The following ARPC4 variants were observed in gnomAD, a reference collection of about 807,000 sequenced individuals.
The protein encoded by ARPC4 is actin-related protein 2/3 complex subunit 4.
Under a neutral mutation model 22.8 loss-of-function variants are expected in ARPC4, and 3 were observed. The observed-to-expected ratio is 0.13, with a 90% CI of 0.06 to 0.34. The LOEUF is 0.34. ARPC4 is among the 10% of genes least tolerant of loss of function. The pLI is 1.00. For synonymous variants in ARPC4, 80 were observed against 72.5 expected (o/e 1.10, Z -0.52); for missense variants, 98 against 211.0 (o/e 0.46, Z 3.32).
intron 4 of ARPC4, chr3:9,803,597 C>T (rs2079056574): frequency 3.1e-6 from 2 of 647,932 alleles, no homozygotes; most frequent in Admixed American, 4.1e-5. Flanking sequence ...TGTTGTGCCA[C>T]AGATAGTTTT....
chr3:9,794,503 A>C (rs1025520561), intron 1 of ARPC4, among the ~76,000 whole-genome samples: 5 of 152,150 alleles, frequency 3.3e-5, no homozygotes, highest in African/African-American at 1.2e-4. Flanking sequence ...CGTCTCAAAA[A>C]AAAAAGCGTT....
rs77589628 is a variant in ARPC4, at chr3:9,806,365, G to T, written c.*150G>T. On this transcript the variant is annotated 3_prime_UTR_variant, in exon 6 of 6. Transcript: ENST00000397261. ...CGGGAGGTGGGTGGTGTGCTTGCTA[G>T]CTGGGCAAGAAAGCAGCAGTGGACC... 1.1e-6 allele frequency: 1 copy of T among 915,250 alleles called. No homozygotes were observed. The highest frequency in any genetic ancestry group is 1.8e-5 in the Admixed American group (1 of 54,960). 56.7% of individuals were successfully genotyped at this position (915,250 alleles called of 1,614,324 possible).
upstream of ARPC4, chr3:9,792,997 C>G: frequency 6.8e-7 from 1 of 1,478,294 alleles, no homozygotes; most frequent in South Asian, 1.3e-5. Flanking sequence ...CTACCCCGCT[C>G]GGAGCATAGA....
At chr3:9,805,506 C>T (rs564881166) in intron 5 of ARPC4, among the ~76,000 whole-genome samples, 50 of 152,348 alleles carry the variant, frequency 3.3e-4, no homozygotes, top group Non-Finnish European at 6.5e-4. Context: ...TGAGGAGCTG[C>T]TGAGCGCATG....
chr3:9,802,301 A>G (rs142633580), intron 4 of ARPC4, among the ~76,000 whole-genome samples: 1,775 of 151,092 alleles, frequency 0.012, 9 homozygotes, highest in Middle Eastern at 0.024. Context: ...CCCGGAGCCT[A>G]TAGTCTAGCA....
In ARPC4 at chr3:9,806,521, T is replaced by C. The variant is rs2125653724; in HGVS notation, c.*306T>C. On this transcript the variant is annotated 3_prime_UTR_variant, in exon 6 of 6. Coordinates refer to ENST00000397261, the MANE Select transcript of ARPC4 (RefSeq NM_005718.5). ...GGATACTGTAACCTTTTTGTCTTTT[T>C]TTTTTTTTTTTTTTTTAAACCTCCA... 5.3e-6 allele frequency: 2 copies of C among 375,670 alleles called. No homozygotes were observed. Among genetic ancestry groups the C allele is most frequent in the East Asian group, 9.7e-5 (2 of 20,724 alleles). 23.3% of individuals were successfully genotyped at this position (375,670 alleles called of 1,614,324 possible). A position where few individuals can be genotyped will look rare whatever the true frequency, so the allele number is the denominator to read the frequency against.
chr3:9,792,660 A>T (rs1296455337), upstream of ARPC4: 1 of 1,232,114 alleles, frequency 8.1e-7, no homozygotes, highest in Non-Finnish European at 1.0e-6. Flanking sequence ...TTGGCGGCCG[A>T]GATCTCCGCG....
At chr3:9,792,881 C>A, upstream of ARPC4, 1 of 1,385,646 alleles carries the variant, frequency 7.2e-7, no homozygotes, top group South Asian at 1.6e-5. Flanking sequence ...AAGCTGCACC[C>A]ATTCCTGGAG....
intron 3 of ARPC4, 90 bp from the exon 4 acceptor site, chr3:9,801,571 G>GA (rs1315981322): frequency 2.4e-5 from 33 of 1,348,062 alleles, no homozygotes; most frequent in Admixed American, 7.3e-5. Flanking sequence ...TGGGAGCCTT[G>GA]AAAAAACTGG....
At chr3:9,794,749 A>G (rs771954191) in intron 1 of ARPC4, among the ~76,000 whole-genome samples, 4 of 152,006 alleles carry the variant, frequency 2.6e-5, no homozygotes, top group Non-Finnish European at 5.9e-5. Context: ...CGTCACCCCA[A>G]AAAGTTCCCT....
At chr3:9,797,880 C>T in intron 2 of ARPC4, 103 bp downstream of exon 2, 1 of 1,189,898 alleles carries the variant, frequency 8.4e-7, no homozygotes, top group Middle Eastern at 2.1e-4. Flanking sequence ...GTCAGGAAAG[C>T]TGCAGTTGAC....
At chr3:9,796,061 G>T (rs571253923) in intron 1 of ARPC4, among the ~76,000 whole-genome samples, 1 of 151,858 alleles carries the variant, frequency 6.6e-6, no homozygotes, top group East Asian at 1.9e-4. Context: ...GCACCACTGC[G>T]CTCCAGCCTG....
upstream of ARPC4, chr3:9,792,545 C>T: frequency 1.6e-6 from 2 of 1,226,210 alleles, no homozygotes; most frequent in Non-Finnish European, 1.0e-6. Context: ...TGGAGTTTGC[C>T]GGGGGTGGGA....
rs541107009 is a variant in ARPC4, at chr3:9,803,762, G to A, written c.331-81G>A. On this transcript the variant is annotated intron_variant, in intron 4 of 5. Transcript: ENST00000397261. ...GTGGGAAGCATGTGGATGAGTGGAG[G>A]ACATGACCAGCTCAGTTCCCATGGG... 5.6e-6 allele frequency: 8 copies of A among 1,423,890 alleles called. No homozygotes were observed. In the African/African-American group the frequency reaches 8.4e-5, roughly 15 times the overall value. 88.2% of individuals were successfully genotyped at this position (1,423,890 alleles called of 1,614,324 possible).
chr3:9,803,346 G>A (rs769172406), intron 4 of ARPC4, among the ~76,000 whole-genome samples: 32 of 152,200 alleles, frequency 2.1e-4, no homozygotes, highest in Non-Finnish European at 3.1e-4. Context: ...CACGTCAGGC[G>A]TGTTAGCCAA....
chr3:9,796,396 A>G (rs931678195), intron 1 of ARPC4, among the ~76,000 whole-genome samples: 9 of 152,236 alleles, frequency 5.9e-5, no homozygotes, highest in Admixed American at 2.0e-4. Context: ...CTCCCTCTCA[A>G]AAATAAATAT....
intron 4 of ARPC4, among the ~76,000 whole-genome samples, 195 bp downstream of exon 4, chr3:9,801,951 C>T (rs920778628): frequency 3.3e-5 from 5 of 151,834 alleles, no homozygotes; most frequent in African/African-American, 1.2e-4. Context: ...ATAGAAAAGG[C>T]AAAAAAGAGC....
At chr3:9,804,380 C>T (rs2079068597) in intron 5 of ARPC4, among the ~76,000 whole-genome samples, 1 of 152,204 alleles carries the variant, frequency 6.6e-6, no homozygotes, top group South Asian at 2.1e-4. Context: ...GACAATTAAT[C>T]ATGTTATGAT....
At chr3:9,801,811 C>T in intron 4 of ARPC4, 55 bp downstream of exon 4, 1 of 1,497,326 alleles carries the variant, frequency 6.7e-7, no homozygotes, top group Non-Finnish European at 9.0e-7. Context: ...TACAGAATGG[C>T]CTGGGATTGT....
Sources: allele counts gnomAD v4.1 joint callset (sites outside exome capture counted in the v4.1 genomes callset), GRCh38; gene constraint gnomAD v4.1.1; transcripts MANE v1.5; gene names NCBI Gene and HGNC (gene_info 2026-07-23, HGNC 2026-07-21).